ZNF674: variants seen among roughly 807,000 people sequenced by gnomAD.
The protein encoded by ZNF674 is zinc finger protein 674.
In ZNF674, 2 loss-of-function variants were observed where a neutral mutation model predicts 7.0. That is an observed-to-expected ratio of 0.29 (90% CI 0.12 to 0.90). The LOEUF is 0.90. ZNF674 is among the 40% of genes least tolerant of loss of function. The probability of loss-of-function intolerance (pLI) is 0.57; values close to 1 mark genes in which losing one functional copy is unlikely to be tolerated. For missense variants in ZNF674, 297 were observed against 415.5 expected, an observed-to-expected ratio of 0.71 and a Z score of 2.48; for synonymous variants, 103 against 145.2, an observed-to-expected ratio of 0.71 and a Z score of 2.09.
Position 46,537,844 on chromosome X carries a change from T to C in ZNF674, c.15+4229A>G, listed in dbSNP as rs1399895377. The stretch of plus-strand genomic sequence containing the variant: ...TGGCTCACGCCTGTAATCCCAGCAC[T>C]TTGGGAGATTGAGGCAGGCAGTTCA... On this transcript the variant is annotated intron_variant, in intron 3 of 5. Transcript: ENST00000683375. 7.1e-5 allele frequency among the ~76,000 whole-genome samples: 8 copies of C among 112,297 alleles called. No individual in the cohort carries two copies. The Admixed American group carries it at 7.6e-4, about 11-fold the overall frequency.
At chrX:46,544,228 TG>T (rs1190185778) in intron 2 of ZNF674, among the ~76,000 whole-genome samples, 1 of 112,944 alleles carries the variant, frequency 8.9e-6, no homozygotes, top group African/African-American at 3.2e-5. Context: ...CCATGGCACC[TG>T]GAAGTAGAGC....
chrX:46,519,873 T>C (rs1227436221), intron 5 of ZNF674, among the ~76,000 whole-genome samples: 1 of 111,607 alleles, frequency 9.0e-6, no homozygotes, highest in Non-Finnish European at 1.9e-5. Context: ...TAAACAAACA[T>C]GCATACCATG....
chrX:46,533,829 A>AAATATATATATAT (rs1415090691), intron 3 of ZNF674, among the ~76,000 whole-genome samples: 1 of 65,571 alleles, frequency 1.5e-5, no homozygotes, highest in African/African-American at 9.8e-5. Context: ...AAAAAAAAAA[A>AAATATATATATAT]ATATATATAT....
intron 5 of ZNF674, 99 bp from the exon 6 acceptor site, chrX:46,501,434 G>T: frequency 1.2e-6 from 1 of 831,663 alleles, no homozygotes; most frequent in African/African-American, 2.0e-5. Flanking sequence ...CTATCAACAT[G>T]ACTTGAGCTG....
chrX:46,543,674 T>C (rs1942330586), intron 2 of ZNF674, among the ~76,000 whole-genome samples: 2 of 112,349 alleles, frequency 1.8e-5, no homozygotes, highest in African/African-American at 3.2e-5. Context: ...ATGCTCCTCC[T>C]TCTTTGGCAG....
chrX:46,520,385 C>T lies in ZNF674; in HGVS notation c.238+7965G>A, dbSNP rs761372127. ...TTGCACTCCAGCCTGGGCCACAGAG[C>T]GAGAATCCATCTCAAAAATAAATAA... On this transcript the variant is annotated intron_variant, in intron 5 of 5. Transcript: ENST00000683375. Among the ~76,000 whole-genome samples, 10 of 110,524 alleles carry T rather than the reference C, an allele frequency of 9.0e-5. No individual in the cohort carries two copies. In the South Asian group the frequency reaches 2.3e-3, roughly 25 times the overall value.
At chrX:46,537,961 T>A (rs1942229257) in intron 3 of ZNF674, among the ~76,000 whole-genome samples, 1 of 110,931 alleles carries the variant, frequency 9.0e-6, no homozygotes, top group Admixed American at 9.7e-5. Flanking sequence ...TGGTGGCACA[T>A]ACCTGTAGTC....
In ZNF674 at chrX:46,500,728, T is replaced by A; in HGVS notation, c.846A>T (p.Lys282Asn). 1 of 1,209,647 alleles carries A rather than the reference T, an allele frequency of 8.3e-7. No individual in the cohort carries two copies. The highest frequency in any genetic ancestry group is 1.1e-6 in the Non-Finnish European group (1 of 894,381). The change falls in exon 6 of 6, where the codon AAA becomes AAT. Residue 282 changes from lysine (K) to asparagine (N), a missense_variant. Transcript: ENST00000683375. Reference protein sequence around the residue: ...EKPYECSECGKTFIQKSTLIK... With the variant: ...EKPYECSECGNTFIQKSTLIK... ...TCAGAGTTGACTTCTGGATAAAGGT[T>A]TTTCCACATTCACTGCATTCATAGG...
chrX:46,537,654 C>T (rs1942223940), intron 3 of ZNF674, among the ~76,000 whole-genome samples: 1 of 111,898 alleles, frequency 8.9e-6, no homozygotes, highest in Non-Finnish European at 1.9e-5. Flanking sequence ...TACATAAATC[C>T]TCTGTGTATT....
chrX:46,533,531 G>A (rs1206485558), intron 3 of ZNF674, among the ~76,000 whole-genome samples: 1 of 109,761 alleles, frequency 9.1e-6, no homozygotes, highest in African/African-American at 3.3e-5. Flanking sequence ...GGAGTCCGAG[G>A]CGAGTGGATC....
chrX:46,532,784 T>C (rs1349023677), intron 3 of ZNF674, among the ~76,000 whole-genome samples: 6 of 112,204 alleles, frequency 5.3e-5, no homozygotes, highest in Admixed American at 9.5e-5. Context: ...CTGGGCCATA[T>C]TGGAAGAATT....
chrX:46,529,043 G>A (rs890359923), intron 3 of ZNF674, 134 bp from the exon 4 acceptor site: 22 of 1,095,956 alleles, frequency 2.0e-5, no homozygotes, highest in African/African-American at 5.5e-5. Context: ...AGTCTTCGCC[G>A]CCACCCTAGA....
chrX:46,524,463 G>A (rs1478937938), intron 5 of ZNF674, among the ~76,000 whole-genome samples: 3 of 109,754 alleles, frequency 2.7e-5, no homozygotes, highest in South Asian at 7.9e-4. Flanking sequence ...CAAAGCGGGT[G>A]GATCACCTGA....
intron 3 of ZNF674, among the ~76,000 whole-genome samples, chrX:46,541,361 CAA>C (rs34440167): frequency 0.02 from 1,109 of 54,646 alleles, 15 homozygotes; most frequent in African/African-American, 0.072. Context: ...AACTCCGTCA[CAA>C]AAAAAAAAAA....
intron 5 of ZNF674, among the ~76,000 whole-genome samples, chrX:46,527,237 T>A (rs1285096750): frequency 9.5e-6 from 1 of 105,489 alleles, no homozygotes; most frequent in African/African-American, 3.5e-5. Flanking sequence ...CACTCCAGCC[T>A]GGGCAACAGA....
chrX:46,543,978 G>A (rs1455007565), intron 2 of ZNF674, among the ~76,000 whole-genome samples: 6 of 112,949 alleles, frequency 5.3e-5, no homozygotes, highest in African/African-American at 1.9e-4. Flanking sequence ...ATGGTGTGGG[G>A]CTGACTCAAA....
At chrX:46,539,773 T>C (rs1347877857) in intron 3 of ZNF674, among the ~76,000 whole-genome samples, 1 of 112,140 alleles carries the variant, frequency 8.9e-6, no homozygotes, top group Non-Finnish European at 1.9e-5. Flanking sequence ...CAACAAATAA[T>C]GATCAGAACC....
chrX:46,523,618 C>G (rs1245255750), intron 5 of ZNF674: 1 of 111,460 alleles, frequency 9.0e-6, no homozygotes, highest in African/African-American at 3.3e-5. Flanking sequence ...CGTGAGCCAC[C>G]CCACCTGGCC....
At chrX:46,533,099 G>A (rs1162742464) in intron 3 of ZNF674, among the ~76,000 whole-genome samples, 5 of 111,280 alleles carry the variant, frequency 4.5e-5, no homozygotes, top group Non-Finnish European at 9.4e-5. Flanking sequence ...CTATTATTCC[G>A]GAGGTCACAA....
Sources: gnomAD v4.1 joint callset for allele counts (sites outside exome capture counted in the v4.1 genomes callset) on GRCh38, gnomAD v4.1.1 for gene constraint, MANE v1.5 for transcripts, NCBI Gene and HGNC (gene_info 2026-07-23, HGNC 2026-07-21) for gene names.